Variants in GOLGB1 observed in about 807,000 individuals in gnomAD.
GOLGB1 encodes the protein golgin subfamily B member 1.
GOLGB1 carries 174 observed loss-of-function variants against 336.9 expected under a neutral mutation model. The ratio of observed to expected loss-of-function variants is 0.52; its 90% confidence interval spans 0.46 to 0.59. The LOEUF (loss-of-function observed/expected upper bound fraction) is 0.59. Ranked by LOEUF, GOLGB1 falls within the 20% of genes least tolerant of loss-of-function variation. The pLI is 0.00. For synonymous variants in GOLGB1, 1,208 were observed against 1,289.2 expected, an observed-to-expected ratio of 0.94 and a Z score of 1.35; for missense variants, 3,331 against 3,645.3, an observed-to-expected ratio of 0.91 and a Z score of 2.22.
chr3:121,730,788 T>G (rs1946039494), intron 2 of GOLGB1, 88 bp downstream of exon 2: 2 of 1,295,656 alleles, frequency 1.5e-6, no homozygotes, highest in Non-Finnish European at 2.1e-6. Flanking sequence ...CCAGGGAGGC[T>G]TCGCACACCC....
At chr3:121,733,612 C>A (rs776981562) in intron 1 of GOLGB1, among the ~76,000 whole-genome samples, 5 of 152,108 alleles carry the variant, frequency 3.3e-5, no homozygotes, top group African/African-American at 9.7e-5. Flanking sequence ...TAGTAAACAT[C>A]AAAAAGCTGA....
chr3:121,700,417 C>T (rs9858390), intron 11 of GOLGB1, among the ~76,000 whole-genome samples: 2 of 152,048 alleles, frequency 1.3e-5, no homozygotes, highest in Non-Finnish European at 2.9e-5. Context: ...GAATCCAAGT[C>T]TTCAGAGTTT....
At position 121,677,031 on chromosome 3, in the gene GOLGB1, C is replaced by A; in HGVS notation, c.9040-1G>T. On this transcript the variant is annotated splice_acceptor_variant, in intron 16 of 21. Transcript: ENST00000614479. LOFTEE classifies it high-confidence loss of function. The stretch of plus-strand genomic sequence containing the variant: ...GGGAAGCTGATGTCTCTGGGGATGC[C>A]TGCCAGGACACAAACATTGATCAGA... 6.2e-7 allele frequency: 1 copy of A among 1,613,908 alleles called. No individual in the cohort carries two copies. Among genetic ancestry groups the A allele is most frequent in the Non-Finnish European group, 8.5e-7 (1 of 1,179,898 alleles).
At chr3:121,684,950 G>C (rs909328441) in intron 14 of GOLGB1, among the ~76,000 whole-genome samples, 26 of 152,174 alleles carry the variant, frequency 1.7e-4, no homozygotes, top group African/African-American at 5.1e-4. Flanking sequence ...AGGTACTCCA[G>C]GAGAATTTTC....
chr3:121,697,860 A>G lies in GOLGB1; in HGVS notation c.2663T>C (p.Leu888Pro), dbSNP rs767222213. Residue 888 changes from leucine (L) to proline (P), a missense_variant, in exon 13 of 22, where the codon CTA (leucine) becomes CCA (proline). Transcript: ENST00000614479. ...GGTTTCCACATCTCTCTTTTTCTCTAGTAAGAGCTGATCCATTTTTGTTAT... is the reference window on the plus strand; with the variant it reads ...GGTTTCCACATCTCTCTTTTTCTCTGGTAAGAGCTGATCCATTTTTGTTAT... ...LEITKMDQLL[L>P]EKKRDVETLQ... 1 of 1,614,016 alleles carries G rather than the reference A, an allele frequency of 6.2e-7. No individual in the cohort carries two copies. Among genetic ancestry groups the G allele is most frequent in the Non-Finnish European group, 8.5e-7 (1 of 1,179,958 alleles).
At chr3:121,749,350 G>A (rs1332490555) in intron 1 of GOLGB1, among the ~76,000 whole-genome samples, 5 of 152,212 alleles carry the variant, frequency 3.3e-5, no homozygotes, top group Non-Finnish European at 5.9e-5. Context: ...GCTCCCAGAG[G>A]AGAAACGTAC....
At chr3:121,747,021 G>C (rs1180782956) in intron 1 of GOLGB1, among the ~76,000 whole-genome samples, 1 of 150,482 alleles carries the variant, frequency 6.6e-6, no homozygotes, top group Non-Finnish European at 1.5e-5. Context: ...TTAATAGTTA[G>C]GTAAGTACTT....
intron 1 of GOLGB1, among the ~76,000 whole-genome samples, chr3:121,747,261 A>ATATATATGTATATATG (rs1161947223): frequency 7.3e-6 from 1 of 136,814 alleles, no homozygotes; most frequent in Non-Finnish European, 1.6e-5. Flanking sequence ...ATGTGTGTAT[A>ATATATATGTATATATG]TATATATGTA....
Position 121,696,504 on chromosome 3 carries a change from T to A in GOLGB1, c.4019A>T (p.Lys1340Ile). The A allele has an allele frequency of 6.2e-7, 1 of 1,614,164 alleles. No homozygotes were observed. The highest frequency in any genetic ancestry group is 8.5e-7 in the Non-Finnish European group (1 of 1,180,010). Reference sequence around the variant, plus strand: ...TTGTAACTGAAATACCTCTTCTGATTTTTTAGTAAGCTCACTTGTTGTAGA... The same window carrying A: ...TTGTAACTGAAATACCTCTTCTGATATTTTAGTAAGCTCACTTGTTGTAGA... ...VSSTTSELTK[K>I]SEEVFQLQEQ... Residue 1340 changes from lysine to isoleucine, a missense_variant, in exon 13 of 22, where the codon AAA becomes ATA. Lys to Ile is a moderately radical substitution (Grantham distance 102). Coordinates refer to ENST00000614479, the MANE Select transcript of GOLGB1 (RefSeq NM_001366282.2).
intron 15 of GOLGB1, among the ~76,000 whole-genome samples, chr3:121,681,366 T>G (rs1941052516): frequency 6.6e-6 from 1 of 152,222 alleles, no homozygotes; most frequent in African/African-American, 2.4e-5. Context: ...ACAAAGGACG[T>G]ATTTGTGGTG....
At position 121,722,278 on chromosome 3, in the gene GOLGB1, G is replaced by C. The variant is rs1218347873; in HGVS notation, c.632C>G (p.Ala211Gly). 3 of 1,604,222 alleles carry C rather than the reference G, an allele frequency of 1.9e-6. No homozygotes were observed. In the South Asian group the frequency reaches 3.3e-5, roughly 18 times the overall value. The change falls in exon 6 of 22, where the codon GCA (alanine) becomes GGA (glycine). Residue 211 changes from alanine (A) to glycine (G), a missense_variant. Transcript: ENST00000614479. ...GGTCCCTACCTGTGCAGCTTGCTCT[G>C]CCTGTGTCTGGCTGAGCTGGGCTTG... The part of the protein sequence containing the change: ...TLQAQLSQTQ[A>G]EQAAQLSSMQ...
intron 1 of GOLGB1, among the ~76,000 whole-genome samples, chr3:121,743,081 G>T (rs2108413459): frequency 6.6e-6 from 1 of 152,296 alleles, no homozygotes; most frequent in East Asian, 1.9e-4. Context: ...ATCAGAACTA[G>T]AAATACCATT....
At chr3:121,747,251 A>G (rs1947375771) in intron 1 of GOLGB1, among the ~76,000 whole-genome samples, 1 of 138,706 alleles carries the variant, frequency 7.2e-6, no homozygotes, top group Admixed American at 7.3e-5. Context: ...ACAAAAATCC[A>G]TGTGTGTATA....
rs1243459945 is a variant in GOLGB1, at chr3:121,691,498, T to C, written c.7866A>G (p.Gln2622=). 5 of 1,612,426 alleles carry C rather than the reference T, an allele frequency of 3.1e-6. No individual in the cohort carries two copies. Among genetic ancestry groups the C allele is most frequent in the Non-Finnish European group, 4.2e-6 (5 of 1,179,574 alleles). ...LKVSISQLTR[Q]VTALQEEGTL... ...TACCTTCTTCTTGCAAGGCTGTTAC[T>C]TGTCTTGTTAGCTGGGATATAGATA... The change falls in exon 14 of 22, where the codon CAA becomes CAG. Residue 2622 remains glutamine (Q), a synonymous_variant. Transcript: ENST00000614479.
intron 10 of GOLGB1, among the ~76,000 whole-genome samples, chr3:121,709,470 A>G (rs1306876431): frequency 6.6e-6 from 1 of 152,194 alleles, no homozygotes; most frequent in Non-Finnish European, 1.5e-5. Context: ...CACATAAAAC[A>G]TATTCTCTGA....
At chr3:121,667,327 T>C (rs1191047564) in intron 20 of GOLGB1, 149 bp downstream of exon 20, 23 of 741,052 alleles carry the variant, frequency 3.1e-5, no homozygotes, top group Non-Finnish European at 4.2e-5. Flanking sequence ...AGTGTTCTCT[T>C]GGGTGACCAC....
At chr3:121,730,084 T>C (rs1046963900) in intron 2 of GOLGB1, 67 bp from the exon 3 acceptor site, 1 of 1,066,880 alleles carries the variant, frequency 9.4e-7, no homozygotes, top group Non-Finnish European at 1.4e-6. Context: ...AGGAGTTTCT[T>C]CATTCCAACT....
chr3:121,667,420 T>C, intron 20 of GOLGB1, 56 bp downstream of exon 20: 58 of 1,544,752 alleles, frequency 3.8e-5, no homozygotes, highest in Non-Finnish European at 4.9e-5. Context: ...GAAATGTACA[T>C]GAGTTTGATC....
chr3:121,706,871 C>T (rs1943902036), intron 10 of GOLGB1, among the ~76,000 whole-genome samples: 1 of 150,266 alleles, frequency 6.7e-6, no homozygotes, highest in Admixed American at 6.6e-5. Context: ...AATAATCTTT[C>T]AACAACAATG....
Sources: allele counts gnomAD v4.1 joint callset (sites outside exome capture counted in the v4.1 genomes callset), GRCh38; gene constraint gnomAD v4.1.1; transcripts MANE v1.5; gene names NCBI Gene and HGNC (gene_info 2026-07-23, HGNC 2026-07-21).